The following TMC1 variants were observed in gnomAD, a reference collection of about 807,000 sequenced individuals.
TMC1 encodes the protein transmembrane channel-like protein 1.
In TMC1, 84 loss-of-function variants were observed where a neutral mutation model predicts 105.8. That is an observed-to-expected ratio of 0.79 (90% confidence interval 0.67 to 0.95). The LOEUF (loss-of-function observed/expected upper bound fraction) is 0.95. TMC1 is among the 40% of genes least tolerant of loss of function. TMC1 has a pLI of 0.00. For missense variants in TMC1, 817 were observed against 914.1 expected, an observed-to-expected ratio of 0.89 and a Z score of 1.37; for synonymous variants, 315 against 311.5, an observed-to-expected ratio of 1.01 and a Z score of -0.12.
At chr9:72,746,389 A>G (rs535493860) in intron 10 of TMC1, among the ~76,000 whole-genome samples, 8 of 152,274 alleles carry the variant, frequency 5.3e-5, no homozygotes, top group African/African-American at 1.9e-4. Flanking sequence ...GTGTTAATGT[A>G]TGTATGCTTG....
intron 4 of TMC1, among the ~76,000 whole-genome samples, chr9:72,647,573 T>C (rs1397644233): frequency 6.6e-6 from 1 of 152,144 alleles, no homozygotes; most frequent in Non-Finnish European, 1.5e-5. Context: ...CTCTTACTAC[T>C]CCAATTAAAA....
intron 2 of TMC1, among the ~76,000 whole-genome samples, chr9:72,605,458 G>A (rs534102051): frequency 7.2e-5 from 11 of 152,198 alleles, no homozygotes; most frequent in South Asian, 2.1e-4. Flanking sequence ...TGAGGTCTCC[G>A]TCCTTGGATT....
At chr9:72,663,701 T>G (rs1393646395) in intron 5 of TMC1, among the ~76,000 whole-genome samples, 1 of 152,224 alleles carries the variant, frequency 6.6e-6, no homozygotes, top group Non-Finnish European at 1.5e-5. Context: ...CTAAGTTTAT[T>G]AAAAATATTT....
chr9:72,791,250 A>G (rs918593330), intron 15 of TMC1, among the ~76,000 whole-genome samples: 19 of 150,616 alleles, frequency 1.3e-4, no homozygotes, highest in African/African-American at 4.4e-4. Context: ...ATTATAGCCC[A>G]TTCTTTCACT....
At chr9:72,812,476 C>G (rs1450231644) in intron 18 of TMC1, among the ~76,000 whole-genome samples, 1 of 152,220 alleles carries the variant, frequency 6.6e-6, no homozygotes, top group African/African-American at 2.4e-5. Context: ...TACAAAGCCT[C>G]AAGTGCTCAA....
intron 5 of TMC1, among the ~76,000 whole-genome samples, chr9:72,662,941 G>T (rs2132162327): frequency 6.6e-6 from 1 of 152,314 alleles, no homozygotes; most frequent in African/African-American, 2.4e-5. Flanking sequence ...ATATATTCTT[G>T]TAACCACCCA....
intron 2 of TMC1, among the ~76,000 whole-genome samples, chr9:72,580,290 T>C (rs528609959): frequency 6.6e-6 from 1 of 152,364 alleles, no homozygotes; most frequent in East Asian, 1.9e-4. Flanking sequence ...GTTTCTTTAC[T>C]CCAAAGTATT....
Position 72,666,583 on chromosome 9 carries a change from ATAT to A in TMC1, c.16+17924_16+17926del, listed in dbSNP as rs1370817276. Among the ~76,000 whole-genome samples, 5 of 152,332 alleles carry A rather than the reference ATAT, an allele frequency of 3.3e-5. No individual in the cohort carries two copies. The East Asian group carries it at 7.7e-4, about 24-fold the overall frequency. The stretch of plus-strand genomic sequence containing the variant: ...CTCTTGTACAGTATAACTATTGTTA[ATAT>A]TATTGCTGGGGTCACTCATTTATTC... On this transcript the variant is annotated intron_variant, in intron 5 of 23. Transcript: ENST00000297784.
At chr9:72,612,536 A>G (rs7039709) in intron 2 of TMC1, among the ~76,000 whole-genome samples, 1,951 of 152,106 alleles carry the variant, frequency 0.013, 52 homozygotes, top group African/African-American at 0.044. Context: ...GAGTTATACA[A>G]TCTGTGTTAC....
intron 1 of TMC1, among the ~76,000 whole-genome samples, chr9:72,546,105 A>T (rs1247241740): frequency 6.6e-6 from 1 of 151,276 alleles, no homozygotes; most frequent in Non-Finnish European, 1.5e-5. Flanking sequence ...CAACATGGTG[A>T]CACCCCAGCT....
chr9:72,533,947 T>A (rs1823537720), intron 1 of TMC1, among the ~76,000 whole-genome samples: 1 of 152,028 alleles, frequency 6.6e-6, no homozygotes, highest in Non-Finnish European at 1.5e-5. Flanking sequence ...AGCCTGGCCA[T>A]CATGGTGAAA....
chr9:72,772,366 G>A lies in TMC1; in HGVS notation c.742-47G>A, dbSNP rs1199707399. On this transcript the variant is annotated intron_variant, in intron 12 of 23. Coordinates refer to ENST00000297784, the MANE Select transcript of TMC1 (RefSeq NM_138691.3). ...CTTAAGAGTTGATCTTTTCCTTTGA[G>A]TTGCTCTTCACGACAACTGCTAAGT... 2.5e-6 allele frequency: 4 copies of A among 1,612,796 alleles called. No individual in the cohort carries two copies. The South Asian group carries it at 4.4e-5, about 18-fold the overall frequency.
chr9:72,752,092 C>A, intron 11 of TMC1, 136 bp downstream of exon 11: 2 of 716,566 alleles, frequency 2.8e-6, no homozygotes, highest in South Asian at 1.6e-5. Context: ...ATGAGATTAA[C>A]CTTCAAAATG....
chr9:72,529,014 T>C (rs942297147), intron 1 of TMC1, among the ~76,000 whole-genome samples: 2 of 152,178 alleles, frequency 1.3e-5, no homozygotes, highest in African/African-American at 4.8e-5. Context: ...AGAGCATTCA[T>C]ATTGTATTAG....
chr9:72,772,906 G>A (rs1827953418), intron 13 of TMC1, among the ~76,000 whole-genome samples: 1 of 152,144 alleles, frequency 6.6e-6, no homozygotes, highest in South Asian at 2.1e-4. Flanking sequence ...TGCGTGCAGA[G>A]AGGTTTGTAA....
chr9:72,765,096 A>G (rs1423970368), intron 12 of TMC1, among the ~76,000 whole-genome samples: 1 of 152,230 alleles, frequency 6.6e-6, no homozygotes, highest in Non-Finnish European at 1.5e-5. Context: ...TTATTAATGG[A>G]AATCGAATTG....
intron 15 of TMC1, among the ~76,000 whole-genome samples, chr9:72,789,888 C>T (rs940501834): frequency 5.9e-5 from 9 of 152,196 alleles, no homozygotes; most frequent in African/African-American, 2.2e-4. Flanking sequence ...TCTCCATCTC[C>T]ATTTCCTCCT....
At chr9:72,628,467 G>A (rs1825389358) in intron 4 of TMC1, 3 of 175,156 alleles carry the variant, frequency 1.7e-5, no homozygotes, top group Admixed American at 5.6e-5. Flanking sequence ...GCCACGTTTC[G>A]GAGGGTTTCT....
At chr9:72,800,727 T>C (rs952161115) in intron 17 of TMC1, among the ~76,000 whole-genome samples, 1 of 151,898 alleles carries the variant, frequency 6.6e-6, no homozygotes, top group African/African-American at 2.4e-5. Flanking sequence ...GATTTCCCCC[T>C]TATCTTTCAC....
Sources: gnomAD v4.1 joint callset for allele counts (sites outside exome capture counted in the v4.1 genomes callset) on GRCh38, gnomAD v4.1.1 for gene constraint, MANE v1.5 for transcripts, NCBI Gene and HGNC (gene_info 2026-07-23, HGNC 2026-07-21) for gene names.